ZNF292: variants seen among roughly 807,000 people sequenced by gnomAD.
ZNF292 encodes 16 zinc-finger domain protein.
In ZNF292, 26 loss-of-function variants were observed where a neutral mutation model predicts 217.9. The observed-to-expected ratio is 0.12, with a 90% CI of 0.09 to 0.17. The LOEUF (loss-of-function observed/expected upper bound fraction) is 0.17, where lower values mean the gene tolerates loss of function less well. ZNF292 is among the 10% of genes least tolerant of loss of function. ZNF292 has a pLI of 1.00. For synonymous variants in ZNF292, 1,257 were observed against 1,124.1 expected, an observed-to-expected ratio of 1.12 and a Z score of -2.37; for missense variants, 2,904 against 3,175.2, an observed-to-expected ratio of 0.91 and a Z score of 2.05.
chr6:87,254,608 T>C (rs1367117959), intron 7 of ZNF292, 42 bp from the exon 8 acceptor site: 2 of 1,488,876 alleles, frequency 1.3e-6, no homozygotes, highest in Non-Finnish European at 1.8e-6. Flanking sequence ...TAGTGTTGAT[T>C]AGTGTAGATT....
chr6:87,223,534 A>G (rs1215187613), intron 4 of ZNF292: 1 of 152,206 alleles, frequency 6.6e-6, no homozygotes, highest in African/African-American at 2.4e-5. Context: ...GTGGGAAGTT[A>G]TGCTCCACCT....
chr6:87,248,567 AC>A (rs1387081277), intron 7 of ZNF292, among the ~76,000 whole-genome samples: 1 of 152,186 alleles, frequency 6.6e-6, no homozygotes, highest in African/African-American at 2.4e-5. Flanking sequence ...ACACAGCAAG[AC>A]CCTGTCTCCA....
intron 1 of ZNF292, among the ~76,000 whole-genome samples, chr6:87,213,486 A>G (rs1380009435): frequency 6.6e-6 from 1 of 152,148 alleles, no homozygotes; most frequent in African/African-American, 2.4e-5. Context: ...TGGCCCGCAC[A>G]GTCTAAGCTA....
intron 1 of ZNF292, among the ~76,000 whole-genome samples, chr6:87,182,883 C>A (rs1340476486): frequency 6.6e-6 from 1 of 152,088 alleles, no homozygotes; most frequent in African/African-American, 2.4e-5. Flanking sequence ...ACTTCCTGGT[C>A]CTACTGCTTT....
intron 1 of ZNF292, among the ~76,000 whole-genome samples, chr6:87,189,373 A>G (rs1169290674): frequency 1.3e-5 from 2 of 152,028 alleles, no homozygotes; most frequent in Non-Finnish European, 2.9e-5. Context: ...ATGTGTCACA[A>G]TTAATGATCC....
intron 1 of ZNF292, among the ~76,000 whole-genome samples, chr6:87,166,213 A>T (rs1393399536): frequency 1.3e-5 from 2 of 152,154 alleles, no homozygotes; most frequent in Admixed American, 6.5e-5. Flanking sequence ...ATTACTTTTT[A>T]TTATTCTACA....
chr6:87,226,962 G>C (rs1013076724), intron 4 of ZNF292, among the ~76,000 whole-genome samples: 4 of 152,078 alleles, frequency 2.6e-5, no homozygotes, highest in African/African-American at 9.7e-5. Flanking sequence ...TTACAAACGT[G>C]TGCCACCATG....
At position 87,257,755 on chromosome 6, in the gene ZNF292, A is replaced by G. The variant is rs1393079531; in HGVS notation, c.4126A>G (p.Ile1376Val). ...TGCAATTATCAGAGATGGGAAATTT[A>G]TCTGTAGCAGGTGTTACAGGGCTTT... ...WPAIIRDGKF[I>V]CSRCYRAFTN... is the part of the protein sequence containing the mutation. The change falls in exon 8 of 8, where the codon ATC (isoleucine) becomes GTC (valine). Residue 1376 changes from isoleucine (I) to valine (V), a missense_variant. Ile to Val is a conservative substitution (Grantham distance 29). This residue lies in a region of ZNF292 where 23 missense variants were observed against 51.3 expected (regional missense o/e 0.45). Transcript: ENST00000369577. 2 of 1,613,648 alleles carry G rather than the reference A, an allele frequency of 1.2e-6. No individual in the cohort carries two copies. Among genetic ancestry groups the G allele is most frequent in the African/African-American group, 2.7e-5 (2 of 74,920 alleles).
chr6:87,195,857 G>A (rs111753588), intron 1 of ZNF292, among the ~76,000 whole-genome samples: 11,124 of 151,670 alleles, frequency 0.073, 565 homozygotes, highest in Non-Finnish European at 0.11. Context: ...GGGAAACCCC[G>A]TCTCTACTGA....
chr6:87,247,863 A>G (rs1163437931), intron 7 of ZNF292, among the ~76,000 whole-genome samples: 1 of 152,232 alleles, frequency 6.6e-6, no homozygotes, highest in Admixed American at 6.5e-5. Flanking sequence ...AGATCGTAAA[A>G]AGAGTCAAAA....
At position 87,258,013 on chromosome 6, in the gene ZNF292, T is replaced by G. The variant is rs371259553; in HGVS notation, c.4384T>G (p.Ser1462Ala). ...TCTACAGCTTCTTGCTGAAAATCGC[T>G]CGCCAGCATTTTTACCAAATACATT... The part of the protein sequence containing the change: ...SFLQLLAENR[S>A]PAFLPNTFPR... The change falls in exon 8 of 8, where the codon TCG (serine) becomes GCG (alanine). Residue 1462 changes from serine (S) to alanine (A), a missense_variant. Ser to Ala is a moderately conservative substitution (Grantham distance 99). This residue lies in a region of ZNF292 where 622 missense variants were observed against 573.1 expected (regional missense o/e 1.09). Coordinates refer to ENST00000369577, the MANE Select transcript of ZNF292 (RefSeq NM_015021.3). 2.5e-6 allele frequency: 4 copies of G among 1,613,794 alleles called. No individual in the cohort carries two copies. Among genetic ancestry groups the G allele is most frequent in the African/African-American group, 1.3e-5 (1 of 74,926 alleles).
chr6:87,170,526 A>G (rs1771065154), intron 1 of ZNF292, among the ~76,000 whole-genome samples: 1 of 152,194 alleles, frequency 6.6e-6, no homozygotes, highest in Non-Finnish European at 1.5e-5. Flanking sequence ...TGACTTGCTT[A>G]TGAAATATTT....
chr6:87,252,566 A>G (rs1774975964), intron 7 of ZNF292, among the ~76,000 whole-genome samples: 1 of 152,144 alleles, frequency 6.6e-6, no homozygotes, highest in South Asian at 2.1e-4. Context: ...TGACATTATT[A>G]TATGTGCCTT....
intron 1 of ZNF292, among the ~76,000 whole-genome samples, chr6:87,209,182 TTTTG>T (rs753735456): frequency 2.7e-4 from 41 of 149,534 alleles, no homozygotes; most frequent in Middle Eastern, 3.5e-3. Context: ...AGTTAGTGGG[TTTTG>T]TTTGTTTGTT....
intron 7 of ZNF292, among the ~76,000 whole-genome samples, chr6:87,249,146 TGA>T (rs776984425): frequency 6.6e-6 from 1 of 152,116 alleles, no homozygotes; most frequent in Non-Finnish European, 1.5e-5. Context: ...CATTGGTTTT[TGA>T]GAGAGTCTTC....
At chr6:87,177,402 G>C (rs202170405) in intron 1 of ZNF292, among the ~76,000 whole-genome samples, 1 of 151,622 alleles carries the variant, frequency 6.6e-6, no homozygotes, top group African/African-American at 2.4e-5. Flanking sequence ...CAGTTACCAA[G>C]TTTTGTCAAT....
At chr6:87,209,020 T>C (rs1276487211) in intron 1 of ZNF292, among the ~76,000 whole-genome samples, 1 of 152,022 alleles carries the variant, frequency 6.6e-6, no homozygotes, top group East Asian at 1.9e-4. Flanking sequence ...GTTTTCTAGG[T>C]GTGGAGAGTG....
chr6:87,236,249 T>C (rs748014682), intron 5 of ZNF292, among the ~76,000 whole-genome samples: 3 of 152,218 alleles, frequency 2.0e-5, no homozygotes, highest in South Asian at 4.1e-4. Context: ...GAACAGACTT[T>C]GTTAGAAGGA....
rs1429598281 is a variant in ZNF292, at chr6:87,265,125, T to TCTTTG, written c.*3324_*3325insCTTTG. Reference sequence around the variant, plus strand: ...TCTCTCTCTTTTTTTTTCTTTGTTTTTTTTGGAGACAGAGTCTCGCTCTGT... The same window carrying TCTTTG: ...TCTCTCTCTTTTTTTTTCTTTGTTTTCTTTGTTTTGGAGACAGAGTCTCGCTCTGT... On this transcript the variant is annotated 3_prime_UTR_variant, in exon 8 of 8. Transcript: ENST00000369577. 3.9e-5 allele frequency among the ~76,000 whole-genome samples: 6 copies of TCTTTG among 152,174 alleles called. No individual in the cohort carries two copies. Among genetic ancestry groups the TCTTTG allele is most frequent in the Non-Finnish European group, 7.4e-5 (5 of 68,020 alleles).
Sources: gnomAD v4.1 joint callset for allele counts (sites outside exome capture counted in the v4.1 genomes callset) on GRCh38, gnomAD v4.1.1 for gene constraint, gnomAD v4.1.1 regional missense constraint, MANE v1.5 for transcripts, NCBI Gene and HGNC (gene_info 2026-07-23, HGNC 2026-07-21) for gene names.